Variants in ELP4 observed in about 807,000 individuals in gnomAD.
ELP4 encodes the protein elongator acetyltransferase complex subunit 4.
ELP4 carries 51 observed loss-of-function variants against 48.9 expected under a neutral mutation model. The ratio of observed to expected loss-of-function variants is 1.04; its 90% CI spans 0.83 to 1.32. The LOEUF (loss-of-function observed/expected upper bound fraction) is 1.32. Among genes scored for constraint, ELP4 ranks in the 40% most tolerant of loss-of-function variants. The probability of loss-of-function intolerance (pLI) is 0.00; values close to 1 mark genes in which losing one functional copy is unlikely to be tolerated. For synonymous variants in ELP4, 210 were observed against 189.2 expected (o/e 1.11, Z -0.90); for missense variants, 519 against 514.6 (o/e 1.01, Z -0.08).
intron 9 of ELP4, among the ~76,000 whole-genome samples, chr11:31,668,666 C>T (rs1416634044): frequency 4.8e-5 from 3 of 61,894 alleles, no homozygotes; most frequent in African/African-American, 8.1e-5. Context: ...ATGAAATTTC[C>T]TTTGGTACCG....
chr11:31,539,187 G>A lies in ELP4; in HGVS notation c.260-475G>A, dbSNP rs186231123. On this transcript the variant is annotated intron_variant, in intron 2 of 9. Coordinates refer to ENST00000640961, the MANE Select transcript of ELP4 (RefSeq NM_019040.5). ...CTATTAAAAGTACCTAGTTCTGGCCGGGCGCGGTGGCTTACGCCTGTAATC... is the reference window on the plus strand; with the variant it reads ...CTATTAAAAGTACCTAGTTCTGGCCAGGCGCGGTGGCTTACGCCTGTAATC... Among the ~76,000 whole-genome samples, 327 of 152,262 alleles carry A rather than the reference G, an allele frequency of 2.1e-3. 2 individuals carry two copies. The highest frequency in any genetic ancestry group is 7.5e-3 in the African/African-American group (313 of 41,566).
chr11:31,560,178 A>T (rs1956994531), intron 3 of ELP4, among the ~76,000 whole-genome samples: 1 of 152,136 alleles, frequency 6.6e-6, no homozygotes, highest in South Asian at 2.1e-4. Flanking sequence ...TTAAATGAAG[A>T]TAATATCTCA....
chr11:31,680,213 A>G (rs972467200), intron 9 of ELP4, among the ~76,000 whole-genome samples: 6 of 152,196 alleles, frequency 3.9e-5, no homozygotes, highest in Admixed American at 2.6e-4. Context: ...AGTTCATTAC[A>G]TGCAGGACTG....
chr11:31,574,156 C>A (rs1461545552), intron 3 of ELP4, among the ~76,000 whole-genome samples: 2 of 152,150 alleles, frequency 1.3e-5, no homozygotes, highest in East Asian at 3.8e-4. Flanking sequence ...AGAAATAATG[C>A]TGAGAATGCT....
At chr11:31,525,723 C>T (rs1956285598) in intron 2 of ELP4, among the ~76,000 whole-genome samples, 1 of 152,102 alleles carries the variant, frequency 6.6e-6, no homozygotes, top group Non-Finnish European at 1.5e-5. Flanking sequence ...TACCAGTCCC[C>T]AGAACAATAG....
At chr11:31,765,106 A>G (rs1024608208) in intron 9 of ELP4, among the ~76,000 whole-genome samples, 2 of 152,186 alleles carry the variant, frequency 1.3e-5, no homozygotes, top group Admixed American at 1.3e-4. Flanking sequence ...AGATTCAGGA[A>G]CAGTTTCCCA....
intron 5 of ELP4, among the ~76,000 whole-genome samples, chr11:31,620,742 C>T (rs1944602789): frequency 6.6e-6 from 1 of 151,912 alleles, no homozygotes; most frequent in South Asian, 2.1e-4. Context: ...CATGAAGGAT[C>T]ATAACCCCTC....
At chr11:31,622,277 G>T (rs1262642217) in intron 5 of ELP4, among the ~76,000 whole-genome samples, 2 of 151,534 alleles carry the variant, frequency 1.3e-5, no homozygotes, top group African/African-American at 4.8e-5. Context: ...CTGTTACCCA[G>T]GGTTTTTTGT....
intron 3 of ELP4, among the ~76,000 whole-genome samples, chr11:31,542,731 C>G (rs1163020699): frequency 6.6e-6 from 1 of 151,976 alleles, no homozygotes; most frequent in Non-Finnish European, 1.5e-5. Flanking sequence ...GTCCAGCACC[C>G]AACAGAATAA....
chr11:31,670,337 C>T (rs1463286738), intron 9 of ELP4, among the ~76,000 whole-genome samples: 3 of 152,040 alleles, frequency 2.0e-5, no homozygotes, highest in Non-Finnish European at 4.4e-5. Context: ...ATCCCATGGG[C>T]TTACATATTC....
chr11:31,587,485 G>A (rs545949296), intron 3 of ELP4, among the ~76,000 whole-genome samples: 97 of 152,252 alleles, frequency 6.4e-4, no homozygotes, highest in African/African-American at 2.0e-3. Context: ...GTAAAAAGGA[G>A]CATACTAATG....
intron 9 of ELP4, among the ~76,000 whole-genome samples, chr11:31,690,484 G>A (rs1946255229): frequency 6.6e-6 from 1 of 151,928 alleles, no homozygotes; most frequent in Non-Finnish European, 1.5e-5. Flanking sequence ...ACTAAAATGT[G>A]AGTTTCTTCT....
chr11:31,566,013 T>C (rs1957105008), intron 3 of ELP4, among the ~76,000 whole-genome samples: 1 of 152,160 alleles, frequency 6.6e-6, no homozygotes, highest in African/African-American at 2.4e-5. Context: ...GAGCATGGAA[T>C]GTTCTTACAT....
chr11:31,728,018 TCA>T (rs1276473127), intron 9 of ELP4: 1 of 152,102 alleles, frequency 6.6e-6, no homozygotes, highest in Non-Finnish European at 1.5e-5. Flanking sequence ...TTACTTTACA[TCA>T]AGCATGAAAT....
intron 4 of ELP4, chr11:31,599,524 A>ACACACACAC (rs1957742222): frequency 1.8e-3 from 31 of 17,654 alleles, no homozygotes; most frequent in African/African-American, 2.2e-3. Flanking sequence ...CACACACACA[A>ACACACACAC]AAAAAAAAAA....
At chr11:31,721,071 G>A (rs1384458056) in intron 9 of ELP4, among the ~76,000 whole-genome samples, 1 of 152,218 alleles carries the variant, frequency 6.6e-6, no homozygotes. Flanking sequence ...TTTGGAAGCT[G>A]TCTTATATTT....
At chr11:31,747,813 A>G (rs900841022) in intron 9 of ELP4, among the ~76,000 whole-genome samples, 1 of 152,254 alleles carries the variant, frequency 6.6e-6, no homozygotes, top group Non-Finnish European at 1.5e-5. Context: ...GTGTGTGGCA[A>G]CAGAGATTCA....
intron 9 of ELP4, among the ~76,000 whole-genome samples, chr11:31,773,364 G>A (rs1948186667): frequency 6.6e-6 from 1 of 152,200 alleles, no homozygotes. Flanking sequence ...TGGAAGGGCT[G>A]AAGGAGATTG....
At chr11:31,711,389 A>C (rs1946740398) in intron 9 of ELP4, among the ~76,000 whole-genome samples, 1 of 152,182 alleles carries the variant, frequency 6.6e-6, no homozygotes, top group Non-Finnish European at 1.5e-5. Flanking sequence ...TTTCAGAGCC[A>C]GTAATTCAGT....
Sources: allele counts gnomAD v4.1 joint callset (sites outside exome capture counted in the v4.1 genomes callset), GRCh38; gene constraint gnomAD v4.1.1; transcripts MANE v1.5; gene names NCBI Gene and HGNC (gene_info 2026-07-23, HGNC 2026-07-21).